SASH1: variants seen among roughly 807,000 people sequenced by gnomAD.
SASH1 encodes the protein SAM and SH3 domain-containing protein 1.
A neutral mutation model predicts 125.2 loss-of-function variants in SASH1; 44 were observed. The ratio of observed to expected loss-of-function variants is 0.35; its 90% confidence interval spans 0.28 to 0.45. The LOEUF is 0.45. Among genes scored for constraint, SASH1 ranks in the 20% least tolerant of loss-of-function variants. The probability of loss-of-function intolerance (pLI) is 1.00; values close to 1 mark genes in which losing one functional copy is unlikely to be tolerated. For synonymous variants in SASH1, 639 were observed against 649.1 expected (o/e 0.98, Z 0.24); for missense variants, 1,426 against 1,614.5 (o/e 0.88, Z 2.00).
chr6:148,514,563 G>C (rs1780337238), intron 9 of SASH1, 107 bp downstream of exon 9: 4 of 1,205,144 alleles, frequency 3.3e-6, no homozygotes, highest in Non-Finnish European at 4.4e-6. Context: ...ACGATTTCAA[G>C]TGGAAAATGC....
At chr6:148,216,202 G>A in the SASH1 span, among the ~76,000 whole-genome samples, 15 of 152,226 alleles carry the variant, frequency 9.9e-5, no homozygotes, top group African/African-American at 3.6e-4. Context: ...TGTAACAGTA[G>A]ATTTTAAGTT....
intron 4 of SASH1, among the ~76,000 whole-genome samples, chr6:148,442,528 C>T (rs1776587446): frequency 6.6e-6 from 1 of 151,808 alleles, no homozygotes; most frequent in South Asian, 2.1e-4. Flanking sequence ...CTTTCTCTCT[C>T]TCTCTCTCAC....
the SASH1 span, among the ~76,000 whole-genome samples, chr6:148,237,183 A>ATT: frequency 0.042 from 6,160 of 147,258 alleles, 401 homozygotes; most frequent in East Asian, 0.29. Flanking sequence ...TTTTATCTGC[A>ATT]TTTTTTTTTT....
intron 8 of SASH1, among the ~76,000 whole-genome samples, chr6:148,496,495 A>G (rs1779315861): frequency 6.6e-6 from 1 of 152,278 alleles, no homozygotes; most frequent in Non-Finnish European, 1.5e-5. Context: ...TATGCCCTGT[A>G]TCCTTGGGAT....
intron 1 of SASH1, among the ~76,000 whole-genome samples, chr6:148,279,749 C>G (rs1265660307): frequency 6.6e-6 from 1 of 152,036 alleles, no homozygotes; most frequent in East Asian, 1.9e-4. Flanking sequence ...AATCCTAGCA[C>G]TTTGGGAGGC....
At chr6:148,214,214 T>C in the SASH1 span, among the ~76,000 whole-genome samples, 2 of 152,148 alleles carry the variant, frequency 1.3e-5, no homozygotes, top group East Asian at 1.9e-4. Context: ...ATTTGTGCAT[T>C]TGGTAATTGA....
chr6:148,204,210 C>G, the SASH1 span, among the ~76,000 whole-genome samples: 1 of 152,154 alleles, frequency 6.6e-6, no homozygotes, highest in South Asian at 2.1e-4. Context: ...CATTTGAATG[C>G]GGTTTGCAGA....
chr6:148,435,925 TG>T (rs1227405670), intron 2 of SASH1, among the ~76,000 whole-genome samples: 3 of 152,220 alleles, frequency 2.0e-5, no homozygotes, highest in African/African-American at 7.2e-5. Flanking sequence ...TAATTCAGGC[TG>T]ACTATTGCCA....
the SASH1 span, among the ~76,000 whole-genome samples, chr6:148,265,438 CT>C: frequency 6.6e-6 from 1 of 152,182 alleles, no homozygotes; most frequent in East Asian, 1.9e-4. Context: ...ATCTTTCACT[CT>C]CTTTTTAGCA....
chr6:148,467,153 A>G (rs1777881714), intron 4 of SASH1, among the ~76,000 whole-genome samples: 1 of 128,588 alleles, frequency 7.8e-6, no homozygotes, highest in Non-Finnish European at 1.6e-5. Flanking sequence ...CTGGAGTGCA[A>G]TGGTGCGATC....
At chr6:148,373,210 T>C (rs1231557820) in intron 1 of SASH1, among the ~76,000 whole-genome samples, 1 of 151,906 alleles carries the variant, frequency 6.6e-6, no homozygotes, top group African/African-American at 2.4e-5. Flanking sequence ...AGAAGAAATA[T>C]AAGGCAGAGG....
chr6:148,252,964 T>A, the SASH1 span, among the ~76,000 whole-genome samples: 1 of 152,172 alleles, frequency 6.6e-6, no homozygotes, highest in African/African-American at 2.4e-5. Context: ...TCAGGCAGAC[T>A]GAATAATTCA....
chr6:148,508,754 T>A, intron 8 of SASH1: 1 of 1,256,608 alleles, frequency 8.0e-7, no homozygotes. Context: ...GAGTGCCTAA[T>A]CTTAATTTTG....
chr6:148,393,988 G>A (rs1783844023), intron 2 of SASH1, among the ~76,000 whole-genome samples: 1 of 150,266 alleles, frequency 6.7e-6, no homozygotes, highest in Non-Finnish European at 1.5e-5. Flanking sequence ...TGCCTCCTGG[G>A]TTTAAGTAGT....
chr6:148,360,642 C>CCCA (rs752458347), intron 1 of SASH1, among the ~76,000 whole-genome samples: 2 of 128,796 alleles, frequency 1.6e-5, no homozygotes, highest in East Asian at 4.3e-4. Context: ...AGCCACCCCC[C>CCCA]CGCCAGGCTT....
intron 1 of SASH1, among the ~76,000 whole-genome samples, chr6:148,295,269 G>A (rs1779737414): frequency 6.6e-6 from 1 of 152,106 alleles, no homozygotes; most frequent in Admixed American, 6.5e-5. Context: ...GGGTGGGCAG[G>A]CTCATTACAG....
At chr6:148,513,128 T>C in intron 8 of SASH1, 1 of 985,392 alleles carries the variant, frequency 1.0e-6, no homozygotes, top group Non-Finnish European at 1.2e-6. Flanking sequence ...GCTTATCTGT[T>C]TTATTGTCTG....
intron 2 of SASH1, among the ~76,000 whole-genome samples, chr6:148,412,462 C>T (rs534099881): frequency 1.3e-5 from 2 of 152,118 alleles, no homozygotes; most frequent in African/African-American, 4.8e-5. Context: ...TTTAGTGTTT[C>T]GTTTTTCAAC....
At chr6:148,245,805 G>A in the SASH1 span, among the ~76,000 whole-genome samples, 8 of 151,976 alleles carry the variant, frequency 5.3e-5, no homozygotes, top group African/African-American at 1.9e-4. Flanking sequence ...GGCTAACACA[G>A]TGAAACCCCG....
Sources: allele counts gnomAD v4.1 joint callset (sites outside exome capture counted in the v4.1 genomes callset), GRCh38; gene constraint gnomAD v4.1.1; transcripts MANE v1.5; gene names NCBI Gene and HGNC (gene_info 2026-07-23, HGNC 2026-07-21).